The following TSHZ2 variants were observed in gnomAD, a reference collection of about 807,000 sequenced individuals.
TSHZ2 encodes the protein teashirt zinc finger homeobox 2.
Under a neutral mutation model 74.4 loss-of-function variants are expected in TSHZ2, and 21 were observed. That is an observed-to-expected ratio of 0.28 (90% CI 0.20 to 0.41). The LOEUF is 0.41. Among genes scored for constraint, TSHZ2 ranks in the 10% least tolerant of loss-of-function variants. The pLI, the probability that TSHZ2 is intolerant of heterozygous loss-of-function variation, is 1.00. For missense variants in TSHZ2, 1,244 were observed against 1,293.5 expected (o/e 0.96, Z 0.59); for synonymous variants, 540 against 515.3 (o/e 1.05, Z -0.65).
chr20:53,185,698 C>G, intron 1 of TSHZ2: 1 of 1,536,110 alleles, frequency 6.5e-7, no homozygotes, highest in Non-Finnish European at 8.7e-7. Flanking sequence ...TACCCACTTG[C>G]TGCTAGAAAG....
At chr20:53,262,293 T>A (rs1335276269) in intron 2 of TSHZ2, among the ~76,000 whole-genome samples, 2 of 152,096 alleles carry the variant, frequency 1.3e-5, no homozygotes, top group East Asian at 3.9e-4. Context: ...CAAGTGACAT[T>A]CTGTGGTAAA....
chr20:53,266,763 C>A (rs889598139), intron 2 of TSHZ2, among the ~76,000 whole-genome samples: 1 of 147,400 alleles, frequency 6.8e-6, no homozygotes, highest in South Asian at 2.2e-4. Context: ...CAGGGGAGGC[C>A]GATCGACGAT....
rs879295484 is a variant in TSHZ2 at position 53,475,016 on chromosome 20, G to C, written c.*9-12128G>C. On this transcript the variant is annotated intron_variant, in intron 2 of 2. Transcript: ENST00000371497. ...CACCCAGATTCATAAAGCAAGTTCT[G>C]AGTGACCTACAAAGAGACTTAGACT... Among the ~76,000 whole-genome samples the C allele has an allele frequency of 9.5e-3, 1,308 of 138,282 alleles. 212 individuals carry two copies. The highest frequency in any genetic ancestry group is 0.069 in the Admixed American group (953 of 13,854). The allele number at this position is 138,282 out of a possible 152,430, so 90.7% of individuals were successfully genotyped here.
chr20:53,370,654 C>T (rs6022426), intron 2 of TSHZ2, among the ~76,000 whole-genome samples: 1 of 152,052 alleles, frequency 6.6e-6, no homozygotes, highest in African/African-American at 2.4e-5. Context: ...GTCCCAGATA[C>T]TCAGGGGGCT....
chr20:53,012,839 G>A (rs1330324486), intron 1 of TSHZ2, among the ~76,000 whole-genome samples: 1 of 152,072 alleles, frequency 6.6e-6, no homozygotes, highest in Non-Finnish European at 1.5e-5. Flanking sequence ...TGCCACTTCA[G>A]CTAAGATCTC....
intron 1 of TSHZ2, among the ~76,000 whole-genome samples, chr20:53,077,220 C>T (rs1461532921): frequency 6.6e-6 from 1 of 151,142 alleles, no homozygotes; most frequent in Non-Finnish European, 1.5e-5. Flanking sequence ...CGATACCAGC[C>T]TGGGCAACAT....
At chr20:53,192,729 G>T (rs1988767682) in intron 1 of TSHZ2, among the ~76,000 whole-genome samples, 1 of 152,144 alleles carries the variant, frequency 6.6e-6, no homozygotes, top group Non-Finnish European at 1.5e-5. Flanking sequence ...GAGGTCTCTG[G>T]CTTCTCATTG....
At chr20:53,397,108 A>T (rs1470441596) in intron 2 of TSHZ2, among the ~76,000 whole-genome samples, 14 of 152,322 alleles carry the variant, frequency 9.2e-5, no homozygotes, top group African/African-American at 3.4e-4. Flanking sequence ...TGGCAACAAA[A>T]GCCAAAATTG....
At chr20:53,149,733 A>G (rs1308614591) in intron 1 of TSHZ2, among the ~76,000 whole-genome samples, 1 of 152,248 alleles carries the variant, frequency 6.6e-6, no homozygotes, top group Admixed American at 6.5e-5. Context: ...GAGCTGAGGC[A>G]GGAAAACCTA....
intron 1 of TSHZ2, among the ~76,000 whole-genome samples, chr20:53,168,264 C>A (rs1457288417): frequency 6.6e-6 from 1 of 152,130 alleles, no homozygotes; most frequent in East Asian, 1.9e-4. Flanking sequence ...CCTCAGATAC[C>A]ACTAGCACCT....
chr20:53,437,254 C>T lies in TSHZ2; in HGVS notation c.*9-49890C>T, dbSNP rs185347058. Among the ~76,000 whole-genome samples, 164 of 152,268 alleles carry T rather than the reference C, an allele frequency of 1.1e-3. 1 individual carries two copies. Among genetic ancestry groups the T allele is most frequent in the Non-Finnish European group, 2.1e-3 (142 of 68,024 alleles). On this transcript the variant is annotated intron_variant, in intron 2 of 2. Coordinates refer to ENST00000371497, the MANE Select transcript of TSHZ2 (RefSeq NM_173485.6). ...TTGGGAGGCCGAGGCAGATGGATCA[C>T]TTGAGGTCAGGAGTTCAAGACCAGC...
chr20:53,457,611 G>T (rs965742525), intron 2 of TSHZ2, among the ~76,000 whole-genome samples: 1 of 134,360 alleles, frequency 7.4e-6, no homozygotes, highest in African/African-American at 2.9e-5. Flanking sequence ...TAGGAGTGGT[G>T]ACAGAGGGCA....
intron 2 of TSHZ2, among the ~76,000 whole-genome samples, chr20:53,369,027 C>T (rs557616572): frequency 7.2e-5 from 11 of 152,210 alleles, no homozygotes; most frequent in Admixed American, 1.3e-4. Flanking sequence ...TTTGGGAGGC[C>T]GAGGTGGGCA....
At chr20:53,223,007 T>C (rs181102999) in intron 1 of TSHZ2, among the ~76,000 whole-genome samples, 10 of 152,318 alleles carry the variant, frequency 6.6e-5, no homozygotes, top group Admixed American at 6.5e-4. Flanking sequence ...AAATGAAAAA[T>C]TCCTTTCTTC....
chr20:53,067,082 C>G (rs1985014619), intron 1 of TSHZ2, among the ~76,000 whole-genome samples: 1 of 152,178 alleles, frequency 6.6e-6, no homozygotes, highest in African/African-American at 2.4e-5. Context: ...CTGCCATAAT[C>G]TATGTGGTTG....
chr20:53,284,698 TC>T (rs35594234), intron 2 of TSHZ2, among the ~76,000 whole-genome samples: 8 of 151,456 alleles, frequency 5.3e-5, no homozygotes, highest in South Asian at 4.2e-4. Context: ...GTTGGGATTT[TC>T]CCCCCTACAC....
intron 1 of TSHZ2, among the ~76,000 whole-genome samples, chr20:53,015,398 C>T (rs1051489628): frequency 6.6e-6 from 1 of 152,134 alleles, no homozygotes; most frequent in Non-Finnish European, 1.5e-5. Context: ...CACTGGCTTC[C>T]AGTGTGTAGA....
At chr20:53,048,043 C>T (rs767113722) in intron 1 of TSHZ2, among the ~76,000 whole-genome samples, 14 of 152,134 alleles carry the variant, frequency 9.2e-5, no homozygotes, top group Non-Finnish European at 1.3e-4. Context: ...GCCTGTCTGC[C>T]CCCAGCGCCT....
intron 1 of TSHZ2, among the ~76,000 whole-genome samples, chr20:52,999,590 G>A (rs910595366): frequency 6.6e-6 from 1 of 152,172 alleles, no homozygotes; most frequent in African/African-American, 2.4e-5. Flanking sequence ...CCATAAAACT[G>A]AGCAGAGCAA....
Sources: allele counts gnomAD v4.1 joint callset (sites outside exome capture counted in the v4.1 genomes callset), GRCh38; gene constraint gnomAD v4.1.1; transcripts MANE v1.5; gene names NCBI Gene and HGNC (gene_info 2026-07-23, HGNC 2026-07-21).